Variants in GRIK2 observed in about 807,000 individuals in gnomAD.
The protein encoded by GRIK2 is glutamate receptor ionotropic, kainate 2.
Under a neutral mutation model 100.3 loss-of-function variants are expected in GRIK2, and 32 were observed. The ratio of observed to expected loss-of-function variants is 0.32; its 90% CI spans 0.24 to 0.43. The LOEUF is 0.43. Ranked by LOEUF, GRIK2 falls within the 20% of genes least tolerant of loss-of-function variation. GRIK2 has a pLI of 1.00. For synonymous variants in GRIK2, 417 were observed against 389.4 expected, an observed-to-expected ratio of 1.07 and a Z score of -0.83; for missense variants, 843 against 1,114.9, an observed-to-expected ratio of 0.76 and a Z score of 3.47.
Position 101,895,886 on chromosome 6 carries a change from TGC to T in GRIK2, c.1748+6024_1748+6025del, listed in dbSNP as rs1562471431. On this transcript the variant is annotated intron_variant, in intron 12 of 16. Coordinates refer to ENST00000369134, the MANE Select transcript of GRIK2 (RefSeq NM_021956.5). ...ATTTAGTTTTAAATACGTGCTGTTC[TGC>T]TAATATGCCTGTCACATATTAAAGT... Among the ~76,000 whole-genome samples the T allele has an allele frequency of 2.6e-5, 4 of 151,848 alleles. No homozygotes were observed. The South Asian group carries it at 8.3e-4, about 31-fold the overall frequency.
chr6:101,825,239 A>G (rs1782243097), intron 10 of GRIK2, among the ~76,000 whole-genome samples: 1 of 152,184 alleles, frequency 6.6e-6, no homozygotes, highest in East Asian at 1.9e-4. Context: ...GCTTGTTCAG[A>G]CAACCACACT....
At chr6:101,785,375 G>A (rs1036119487) in intron 7 of GRIK2, among the ~76,000 whole-genome samples, 2 of 152,084 alleles carry the variant, frequency 1.3e-5, no homozygotes, top group African/African-American at 4.8e-5. Flanking sequence ...TGGGTCCTTA[G>A]CCATAGAGTA....
In GRIK2 at chr6:102,000,299, G is replaced by A. The variant is rs201696612; in HGVS notation, c.2086-35042G>A. Among the ~76,000 whole-genome samples, 42 of 144,298 alleles carry A rather than the reference G, an allele frequency of 2.9e-4. No individual in the cohort carries two copies. In the East Asian group the frequency reaches 7.6e-3, roughly 26 times the overall value. The allele number at this position is 144,298 out of a possible 152,430, so 94.7% of individuals were successfully genotyped here. Reference sequence around the variant, plus strand: ...GGCTTTTTTTTTTTTTTTTTGATACGGAGGGTACACATGCAGGTCTGTTAC... The same window carrying A: ...GGCTTTTTTTTTTTTTTTTTGATACAGAGGGTACACATGCAGGTCTGTTAC... On this transcript the variant is annotated intron_variant, in intron 14 of 16. Transcript: ENST00000369134.
chr6:101,636,379 T>G (rs549341197), intron 4 of GRIK2, among the ~76,000 whole-genome samples: 1 of 152,002 alleles, frequency 6.6e-6, no homozygotes, highest in African/African-American at 2.4e-5. Context: ...AGGGATAGCA[T>G]TGGGAGAAAC....
chr6:101,406,670 C>T (rs1775607330), intron 2 of GRIK2, among the ~76,000 whole-genome samples: 1 of 152,004 alleles, frequency 6.6e-6, no homozygotes, highest in Non-Finnish European at 1.5e-5. Context: ...TAAGGGAGTG[C>T]TGAGTGATTA....
chr6:101,434,661 A>G (rs1162933929), intron 2 of GRIK2, among the ~76,000 whole-genome samples: 1 of 152,106 alleles, frequency 6.6e-6, no homozygotes, highest in African/African-American at 2.4e-5. Context: ...ACTTTCTGGA[A>G]TGAGACCAAT....
At chr6:101,663,913 C>A (rs1440620348) in intron 4 of GRIK2, among the ~76,000 whole-genome samples, 2 of 152,170 alleles carry the variant, frequency 1.3e-5, no homozygotes, top group Non-Finnish European at 1.5e-5. Context: ...TCACACCAGT[C>A]TGGGACAGAG....
Position 101,676,829 on chromosome 6 carries a change from T to C in GRIK2, c.723+25T>C, listed in dbSNP as rs143988947. 4.7e-4 allele frequency: 669 copies of C among 1,414,176 alleles called. 6 individuals are homozygous for C. In the African/African-American group the frequency reaches 9.0e-3, roughly 19 times the overall value. The allele number at this position is 1,414,176 out of a possible 1,614,324, so 87.6% of individuals were successfully genotyped here. A position where few individuals can be genotyped will look rare whatever the true frequency, so the allele number is the denominator to read the frequency against. On this transcript the variant is annotated intron_variant, in intron 5 of 16. Transcript: ENST00000369134. ...GGTAACCTTTAAATTACTTCAATTC[T>C]TGTTTTCTTCATAAACTTGCACTTA...
intron 2 of GRIK2, among the ~76,000 whole-genome samples, chr6:101,535,077 ACT>A (rs1341963630): frequency 6.6e-6 from 1 of 151,388 alleles, no homozygotes; most frequent in African/African-American, 2.4e-5. Context: ...AATACCCTAC[ACT>A]CTCTACAAGT....
At chr6:101,730,545 A>G (rs768575526) in intron 7 of GRIK2, among the ~76,000 whole-genome samples, 18 of 152,116 alleles carry the variant, frequency 1.2e-4, no homozygotes, top group South Asian at 8.3e-4. Flanking sequence ...TTATTGCCCA[A>G]TGGAAAAGTT....
At chr6:101,764,937 A>C (rs2128394121) in intron 7 of GRIK2, among the ~76,000 whole-genome samples, 1 of 152,064 alleles carries the variant, frequency 6.6e-6, no homozygotes, top group Admixed American at 6.6e-5. Flanking sequence ...GTTGTTAATT[A>C]TTACTTATTA....
intron 14 of GRIK2, among the ~76,000 whole-genome samples, chr6:101,971,854 C>T (rs765406138): frequency 1.3e-5 from 2 of 151,858 alleles, no homozygotes; most frequent in Non-Finnish European, 2.9e-5. Flanking sequence ...AGTATTTGGC[C>T]TTCTGTTCTT....
chr6:101,701,421 C>T (rs886719556), intron 7 of GRIK2, among the ~76,000 whole-genome samples: 5 of 151,980 alleles, frequency 3.3e-5, no homozygotes, highest in African/African-American at 9.7e-5. Flanking sequence ...ATTCTGGTTC[C>T]GGCTTTCAAG....
At chr6:101,540,851 C>T (rs17760780) in intron 2 of GRIK2, among the ~76,000 whole-genome samples, 22,247 of 151,870 alleles carry the variant, frequency 0.15, 1,832 homozygotes, top group Admixed American at 0.19. Flanking sequence ...CTCAGAACAT[C>T]TGTTTTTCTG....
Position 101,795,201 on chromosome 6 carries a change from A to T in GRIK2, c.952-4447A>T, listed in dbSNP as rs528335021. On this transcript the variant is annotated intron_variant, in intron 7 of 16. Transcript: ENST00000369134. Reference sequence around the variant, plus strand: ...CAATTTTTTTGGATGGATTTTCATAAGGGAAAATTTTTCCTATGGATTTAT... The same window carrying T: ...CAATTTTTTTGGATGGATTTTCATATGGGAAAATTTTTCCTATGGATTTAT... Among the ~76,000 whole-genome samples, 3 of 152,196 alleles carry T rather than the reference A, an allele frequency of 2.0e-5. No individual in the cohort carries two copies. In the South Asian group the frequency reaches 6.2e-4, roughly 32 times the overall value.
chr6:101,419,868 C>T (rs1014045455), intron 2 of GRIK2, among the ~76,000 whole-genome samples: 1 of 152,182 alleles, frequency 6.6e-6, no homozygotes, highest in Non-Finnish European at 1.5e-5. Context: ...GCAGGTGTTG[C>T]ATGCTGTAAC....
rs1583105247 is a variant in GRIK2, at chr6:101,766,021, G to A, written c.952-33627G>A. Among the ~76,000 whole-genome samples, 7 of 152,138 alleles carry A rather than the reference G, an allele frequency of 4.6e-5. 2 individuals carry two copies. The highest frequency in any genetic ancestry group is 4.6e-4 in the Admixed American group (7 of 15,272). ...AACATTTAAACTGTTCTTGATTAAAGTATGTTAAAATGTCTTTGTTTTGCA... is the reference window on the plus strand; with the variant it reads ...AACATTTAAACTGTTCTTGATTAAAATATGTTAAAATGTCTTTGTTTTGCA... On this transcript the variant is annotated intron_variant, in intron 7 of 16. Coordinates refer to ENST00000369134, the MANE Select transcript of GRIK2 (RefSeq NM_021956.5).
intron 13 of GRIK2, 116 bp from the exon 14 acceptor site, chr6:101,928,299 A>G (rs759997174): frequency 4.7e-5 from 30 of 642,054 alleles, no homozygotes; most frequent in Non-Finnish European, 7.0e-5. Flanking sequence ...AAATATGTAA[A>G]TCTTTGATTT....
chr6:101,658,565 A>G (rs2128332416), intron 4 of GRIK2, among the ~76,000 whole-genome samples: 1 of 146,784 alleles, frequency 6.8e-6, no homozygotes, highest in Non-Finnish European at 1.5e-5. Flanking sequence ...TTGGGTATAT[A>G]CTCAGTAGTG....
Sources: allele counts gnomAD v4.1 joint callset (sites outside exome capture counted in the v4.1 genomes callset), GRCh38; gene constraint gnomAD v4.1.1; transcripts MANE v1.5; gene names NCBI Gene and HGNC (gene_info 2026-07-23, HGNC 2026-07-21).